The following CDH13 variants were observed in gnomAD, a reference collection of about 807,000 sequenced individuals.
CDH13 encodes cadherin-13.
In CDH13, 24 loss-of-function variants were observed where a neutral mutation model predicts 63.8. That is an observed-to-expected ratio of 0.38 (90% CI 0.27 to 0.53). The LOEUF is 0.53. Ranked by LOEUF, CDH13 falls within the 20% of genes least tolerant of loss-of-function variation. The pLI is 0.85. For synonymous variants in CDH13, 503 were observed against 355.3 expected (o/e 1.42, Z -4.67); for missense variants, 1,049 against 903.1 (o/e 1.16, Z -2.07).
At chr16:83,105,382 C>G (rs1195411361) in intron 3 of CDH13, among the ~76,000 whole-genome samples, 1 of 152,198 alleles carries the variant, frequency 6.6e-6, no homozygotes, top group Non-Finnish European at 1.5e-5. Flanking sequence ...CATGTGAAGT[C>G]GAGGCTGAGC....
chr16:83,032,554 C>T (rs1323686013), intron 3 of CDH13, among the ~76,000 whole-genome samples: 1 of 152,164 alleles, frequency 6.6e-6, no homozygotes, highest in Admixed American at 6.5e-5. Context: ...GAGACAGTCA[C>T]ATCTCTCCCT....
intron 5 of CDH13, among the ~76,000 whole-genome samples, chr16:83,221,167 A>G (rs1157332727): frequency 6.6e-6 from 1 of 152,184 alleles, no homozygotes; most frequent in Non-Finnish European, 1.5e-5. Flanking sequence ...GCTAGATTTT[A>G]TATCTAATCT....
At chr16:83,080,488 T>A (rs572342233) in intron 3 of CDH13, among the ~76,000 whole-genome samples, 4 of 152,176 alleles carry the variant, frequency 2.6e-5, no homozygotes, top group Non-Finnish European at 5.9e-5. Flanking sequence ...GATGTTCCAC[T>A]GAACACTTTG....
intron 1 of CDH13, among the ~76,000 whole-genome samples, chr16:82,855,981 G>A (rs780317551): frequency 6.6e-6 from 1 of 152,124 alleles, no homozygotes; most frequent in East Asian, 1.9e-4. Flanking sequence ...CAGTGGTTAG[G>A]ATTTTGAGGT....
At chr16:83,377,727 A>G (rs1453545677) in intron 6 of CDH13, among the ~76,000 whole-genome samples, 1 of 152,144 alleles carries the variant, frequency 6.6e-6, no homozygotes, top group African/African-American at 2.4e-5. Flanking sequence ...TTTCTTGAGA[A>G]CTGTAACCAG....
At chr16:82,640,836 A>G (rs1423391263) in intron 1 of CDH13, among the ~76,000 whole-genome samples, 4 of 152,206 alleles carry the variant, frequency 2.6e-5, no homozygotes, top group African/African-American at 9.6e-5. Context: ...TAGATCTAAC[A>G]TAGGAATAAT....
At chr16:83,539,943 C>G (rs567802694) in intron 7 of CDH13, among the ~76,000 whole-genome samples, 2 of 152,292 alleles carry the variant, frequency 1.3e-5, no homozygotes, top group South Asian at 2.1e-4. Context: ...CCCTGACATT[C>G]CATTGGTGGA....
At chr16:82,723,497 C>A (rs1322111989) in intron 1 of CDH13, among the ~76,000 whole-genome samples, 1 of 152,144 alleles carries the variant, frequency 6.6e-6, no homozygotes, top group Non-Finnish European at 1.5e-5. Context: ...CTTACTTCAG[C>A]AAAACCTCCT....
In CDH13 at chr16:83,433,756, T is replaced by A. The variant is rs966658251; in HGVS notation, c.782-52721T>A. On this transcript the variant is annotated intron_variant, in intron 6 of 13. Transcript: ENST00000567109. ...TTGAATGTACCATTAGCTACTGCCATGTCACATTACACTTGTTTATGCAAG... is the reference window on the plus strand; with the variant it reads ...TTGAATGTACCATTAGCTACTGCCAAGTCACATTACACTTGTTTATGCAAG... Among the ~76,000 whole-genome samples, 4 of 152,348 alleles carry A rather than the reference T, an allele frequency of 2.6e-5. No homozygotes were observed. In the East Asian group the frequency reaches 7.7e-4, roughly 29 times the overall value.
At chr16:83,763,561 C>T (rs1430721244) in intron 11 of CDH13, among the ~76,000 whole-genome samples, 2 of 152,044 alleles carry the variant, frequency 1.3e-5, no homozygotes, top group African/African-American at 4.8e-5. Context: ...CTCAACCAAG[C>T]TCTAGACTGC....
intron 5 of CDH13, among the ~76,000 whole-genome samples, chr16:83,269,455 G>A (rs2088729173): frequency 1.3e-5 from 2 of 152,168 alleles, no homozygotes; most frequent in South Asian, 4.1e-4. Context: ...GGGATATGAA[G>A]ATACAAAGAT....
intron 5 of CDH13, among the ~76,000 whole-genome samples, chr16:83,266,847 C>G (rs1010742046): frequency 1.3e-5 from 2 of 152,224 alleles, no homozygotes; most frequent in African/African-American, 4.8e-5. Flanking sequence ...ACACTCTTCA[C>G]TCACCATTCC....
chr16:83,343,263 T>C (rs542827868), intron 5 of CDH13, among the ~76,000 whole-genome samples: 1 of 152,322 alleles, frequency 6.6e-6, no homozygotes, highest in East Asian at 1.9e-4. Flanking sequence ...AGGTCATGTA[T>C]GATGATGCTC....
intron 2 of CDH13, among the ~76,000 whole-genome samples, chr16:82,890,736 C>T (rs531098239): frequency 1.2e-4 from 18 of 151,192 alleles, no homozygotes; most frequent in Non-Finnish European, 2.4e-4. Flanking sequence ...ACTGCAACCT[C>T]CGCCTCCCAG....
Position 83,771,226 on chromosome 16 carries a change from C to A in CDH13, c.1682-8742C>A, listed in dbSNP as rs189203826. 1.0e-3 allele frequency among the ~76,000 whole-genome samples: 156 copies of A among 152,284 alleles called. 1 individual carries two copies. Among genetic ancestry groups the A allele is most frequent in the African/African-American group, 3.5e-3 (145 of 41,538 alleles). On this transcript the variant is annotated intron_variant, in intron 11 of 13. Coordinates refer to ENST00000567109, the MANE Select transcript of CDH13 (RefSeq NM_001257.5). ...CTTAGAAAACGCACAGTTCTGCCCT[C>A]CCTACACCAAGATCACAAAAGGCTA...
rs140658400 is a variant in CDH13 at position 82,899,260 on chromosome 16, G to A, written c.157+40787G>A. Among the ~76,000 whole-genome samples, 1,044 of 152,314 alleles carry A rather than the reference G, an allele frequency of 6.9e-3. 11 individuals are homozygous for A. The highest frequency in any genetic ancestry group is 0.023 in the African/African-American group (971 of 41,566). On this transcript the variant is annotated intron_variant, in intron 2 of 13. Transcript: ENST00000567109. ...AATTACAGTAAGGGCAGTGTCAAAT[G>A]AGTATGTGTAATGCATCTACCCATG...
intron 1 of CDH13, among the ~76,000 whole-genome samples, chr16:82,744,110 TC>T (rs2034055095): frequency 1.3e-5 from 2 of 152,184 alleles, no homozygotes; most frequent in South Asian, 4.1e-4. Context: ...CTAAGTCATC[TC>T]CCTTTACTTG....
At chr16:83,352,446 C>G (rs1382944984) in intron 6 of CDH13, among the ~76,000 whole-genome samples, 1 of 152,098 alleles carries the variant, frequency 6.6e-6, no homozygotes. Flanking sequence ...ACCATTTAAT[C>G]CAGCAATCCT....
chr16:82,864,155 C>G (rs765384783), intron 2 of CDH13, among the ~76,000 whole-genome samples: 1 of 152,126 alleles, frequency 6.6e-6, no homozygotes, highest in Admixed American at 6.5e-5. Flanking sequence ...TGATGTCACC[C>G]TTTTTGCTCT....
Sources: allele counts gnomAD v4.1 joint callset (sites outside exome capture counted in the v4.1 genomes callset), GRCh38; gene constraint gnomAD v4.1.1; transcripts MANE v1.5; gene names NCBI Gene and HGNC (gene_info 2026-07-23, HGNC 2026-07-21).